Variants in SCMH1 observed in about 807,000 individuals in gnomAD.
SCMH1 encodes Scm polycomb group protein homolog 1.
Under a neutral mutation model 70.8 loss-of-function variants are expected in SCMH1, and 37 were observed. The observed-to-expected ratio is 0.52, with a 90% CI of 0.40 to 0.69. The LOEUF (loss-of-function observed/expected upper bound fraction) is 0.69. Ranked by LOEUF, SCMH1 falls within the 30% of genes least tolerant of loss-of-function variation. The pLI, the probability that SCMH1 is intolerant of heterozygous loss-of-function variation, is 0.00. For missense variants in SCMH1, 607 were observed against 827.3 expected (o/e 0.73, Z 3.27); for synonymous variants, 292 against 307.4 (o/e 0.95, Z 0.52).
chr1:41,028,363 CAG>C (rs760829549), intron 14 of SCMH1, 44 bp from the exon 16 acceptor site: 1 of 1,609,040 alleles, frequency 6.2e-7, no homozygotes. Flanking sequence ...GAGGCACCAT[CAG>C]AGTCCTGGTT....
At chr1:41,235,069 A>G (rs1662086529) in intron 1 of SCMH1, among the ~76,000 whole-genome samples, 1 of 152,164 alleles carries the variant, frequency 6.6e-6, no homozygotes, top group Non-Finnish European at 1.5e-5. Flanking sequence ...GTGAGTTACC[A>G]TGCCCAATGC....
chr1:41,225,334 G>A (rs1277601478), intron 1 of SCMH1, among the ~76,000 whole-genome samples: 1 of 152,124 alleles, frequency 6.6e-6, no homozygotes, highest in Non-Finnish European at 1.5e-5. Context: ...TGAGCAAGGA[G>A]GCAGTCATAT....
intron 6 of SCMH1, among the ~76,000 whole-genome samples, chr1:41,135,353 T>C (rs1643112225): frequency 6.6e-6 from 1 of 152,176 alleles, no homozygotes; most frequent in East Asian, 1.9e-4. Context: ...CCACATATGA[T>C]GATAGGGACC....
intron 1 of SCMH1, among the ~76,000 whole-genome samples, chr1:41,235,106 T>C (rs184706478): frequency 3.9e-5 from 6 of 152,206 alleles, no homozygotes; most frequent in South Asian, 2.1e-4. Flanking sequence ...AACCAGAACA[T>C]TAGTTACATT....
intron 10 of SCMH1, among the ~76,000 whole-genome samples, chr1:41,066,055 C>G (rs1055964338): frequency 6.6e-6 from 1 of 152,154 alleles, no homozygotes; most frequent in Admixed American, 6.5e-5. Context: ...AATTTTTGCC[C>G]TAGTCCAAGC....
chr1:41,057,661 G>A (rs1295911481), intron 10 of SCMH1, among the ~76,000 whole-genome samples: 1 of 152,184 alleles, frequency 6.6e-6, no homozygotes, highest in Admixed American at 6.5e-5. Context: ...AGATATGGCA[G>A]GGATGCTGGA....
At chr1:41,190,763 TAAC>T (rs559280699) in intron 1 of SCMH1, among the ~76,000 whole-genome samples, 291 of 152,278 alleles carry the variant, frequency 1.9e-3, no homozygotes, top group African/African-American at 6.7e-3. Context: ...ACAGAAGACA[TAAC>T]AACAGCATCA....
chr1:41,075,855 A>C (rs1053142889), intron 8 of SCMH1, among the ~76,000 whole-genome samples: 2 of 152,188 alleles, frequency 1.3e-5, no homozygotes, highest in African/African-American at 2.4e-5. Context: ...CGCAGGTTAC[A>C]TAGTGAGTTG....
intron 1 of SCMH1, among the ~76,000 whole-genome samples, chr1:41,199,496 G>A (rs1165639081): frequency 6.6e-6 from 1 of 152,084 alleles, no homozygotes; most frequent in Non-Finnish European, 1.5e-5. Context: ...TTAACTTAAA[G>A]CACCCAACAA....
intron 1 of SCMH1, among the ~76,000 whole-genome samples, chr1:41,193,376 T>G (rs1652199752): frequency 6.6e-6 from 1 of 152,142 alleles, no homozygotes; most frequent in Non-Finnish European, 1.5e-5. Flanking sequence ...TAAGTGTAAG[T>G]CCCTGTTCAT....
chr1:41,062,648 A>C (rs942310218), intron 10 of SCMH1, among the ~76,000 whole-genome samples: 2 of 151,674 alleles, frequency 1.3e-5, no homozygotes, highest in Non-Finnish European at 2.9e-5. Flanking sequence ...CTGAGGAAGG[A>C]GAATTGCTTG....
intron 8 of SCMH1, among the ~76,000 whole-genome samples, chr1:41,083,998 C>T (rs912433552): frequency 1.7e-3 from 255 of 152,154 alleles, no homozygotes; most frequent in Non-Finnish European, 2.5e-3. Context: ...AAGACTTAAA[C>T]GTTAGACCTA....
intron 2 of SCMH1, among the ~76,000 whole-genome samples, chr1:41,170,442 T>A (rs573799087): frequency 1.3e-5 from 2 of 152,176 alleles, no homozygotes; most frequent in Non-Finnish European, 2.9e-5. Flanking sequence ...TCAACTAGTC[T>A]CTGACTTTCT....
At chr1:41,031,410 A>G (rs986891570) in intron 13 of SCMH1, among the ~76,000 whole-genome samples, 3 of 151,866 alleles carry the variant, frequency 2.0e-5, no homozygotes, top group Admixed American at 6.6e-5. Flanking sequence ...ATCTCCTCCC[A>G]TTTGCCTTCA....
intron 1 of SCMH1, among the ~76,000 whole-genome samples, chr1:41,186,622 C>CTT (rs1557770425): frequency 6.6e-6 from 1 of 152,080 alleles, no homozygotes; most frequent in Non-Finnish European, 1.5e-5. Flanking sequence ...AAGCCCTAAC[C>CTT]CCCAATGTGA....
rs773122157 is a variant in SCMH1 at position 41,147,725 on chromosome 1, ATTTC to A, written c.177+3885_177+3888del. Among the ~76,000 whole-genome samples, 153 of 152,072 alleles carry A rather than the reference ATTTC, an allele frequency of 1.0e-3. 1 individual carries two copies. Among genetic ancestry groups the A allele is most frequent in the Non-Finnish European group, 1.3e-3 (88 of 67,930 alleles). ...TTTGCTTCATGTCAGGATTTGTCTG[ATTTC>A]TTTATCATTATAAAATTAACTTCCT... is the stretch of plus-strand genomic sequence containing the variant. On this transcript the variant is annotated intron_variant, in intron 5 of 14. Coordinates refer to ENST00000337495, the Ensembl canonical transcript of SCMH1.
At chr1:41,153,110 A>C (rs967261030) in intron 4 of SCMH1, among the ~76,000 whole-genome samples, 2 of 152,216 alleles carry the variant, frequency 1.3e-5, no homozygotes, top group African/African-American at 4.8e-5. Context: ...AAAACATTAC[A>C]ATTTATTATT....
intron 10 of SCMH1, among the ~76,000 whole-genome samples, chr1:41,055,127 T>C (rs559177299): frequency 2.8e-4 from 42 of 152,216 alleles, no homozygotes; most frequent in African/African-American, 6.7e-4. Flanking sequence ...GGCAGAAGCA[T>C]TGACAGCTTG....
chr1:41,154,167 T>C (rs1156535423), intron 4 of SCMH1, among the ~76,000 whole-genome samples: 1 of 152,224 alleles, frequency 6.6e-6, no homozygotes, highest in Non-Finnish European at 1.5e-5. Context: ...TCTCAAGTGA[T>C]ACTTATAGTC....
Sources: gnomAD v4.1 joint callset for allele counts (sites outside exome capture counted in the v4.1 genomes callset) on GRCh38, gnomAD v4.1.1 for gene constraint, MANE v1.5 for transcripts, NCBI Gene and HGNC (gene_info 2026-07-23, HGNC 2026-07-21) for gene names.